S100PBP: variants seen among roughly 807,000 people sequenced by gnomAD.
The protein encoded by S100PBP is S100P binding protein.
A neutral mutation model predicts 39.9 loss-of-function variants in S100PBP; 15 were observed. That is an observed-to-expected ratio of 0.38 (90% CI 0.25 to 0.58). The LOEUF is 0.58. S100PBP is among the 20% of genes least tolerant of loss of function. The pLI, the probability that S100PBP is intolerant of heterozygous loss-of-function variation, is 0.70. For synonymous variants in S100PBP, 178 were observed against 180.3 expected, an observed-to-expected ratio of 0.99 and a Z score of 0.10; for missense variants, 504 against 487.3, an observed-to-expected ratio of 1.03 and a Z score of -0.32.
At chr1:32,836,702 C>A in intron 5 of S100PBP, 1 of 456,980 alleles carries the variant, frequency 2.2e-6, no homozygotes, top group Non-Finnish European at 2.9e-6. Flanking sequence ...AGCCCTGCAA[C>A]AGAGCTGTCA....
At chr1:32,837,702 C>G (rs1208115692) in intron 5 of S100PBP, among the ~76,000 whole-genome samples, 1 of 151,766 alleles carries the variant, frequency 6.6e-6, no homozygotes, top group African/African-American at 2.4e-5. Flanking sequence ...GTGTCTACTG[C>G]AGTTAGTTTG....
At chr1:32,840,897 A>G (rs1457406245) in intron 5 of S100PBP, among the ~76,000 whole-genome samples, 1 of 151,888 alleles carries the variant, frequency 6.6e-6, no homozygotes, top group Non-Finnish European at 1.5e-5. Flanking sequence ...GCGGTGGCTC[A>G]AGCCTGTAAT....
chr1:32,853,289 C>T, intron 6 of S100PBP, 123 bp downstream of exon 6: 1 of 217,646 alleles, frequency 4.6e-6, no homozygotes, highest in Non-Finnish European at 8.5e-6. Context: ...TCCTGGCTAA[C>T]ATGGTGAAAC....
At position 32,826,898 on chromosome 1, in the gene S100PBP, A is replaced by C. The variant is rs1399338805; in HGVS notation, c.799A>C (p.Arg267=). ...TTCACACAAGTCAAGTTGTGAAATG[A>C]GATCTCTGGTTGTTTCCACCTCATC... ...GGSHKSSCEM[R]SLVVSTSSNK... The change falls in exon 3 of 7, where the codon AGA becomes CGA. Residue 267 remains arginine, a synonymous_variant. Coordinates refer to ENST00000373475, the MANE Select transcript of S100PBP (RefSeq NM_022753.4). 1 of 1,600,818 alleles carries C rather than the reference A, an allele frequency of 6.2e-7. No homozygotes were observed. The highest frequency in any genetic ancestry group is 8.5e-7 in the Non-Finnish European group (1 of 1,175,160).
intron 4 of S100PBP, 29 bp downstream of exon 4, chr1:32,828,110 A>T (rs1013988174): frequency 4.1e-6 from 6 of 1,462,750 alleles, no homozygotes; most frequent in Non-Finnish European, 3.8e-6. Flanking sequence ...AAATATTCTG[A>T]TTTATTTTGG....
intron 1 of S100PBP, among the ~76,000 whole-genome samples, chr1:32,823,829 T>G (rs1202446160): frequency 1.3e-5 from 2 of 152,216 alleles, no homozygotes; most frequent in African/African-American, 4.8e-5. Context: ...ATACCTTGAT[T>G]TGTTGGAAAT....
intron 1 of S100PBP, among the ~76,000 whole-genome samples, chr1:32,823,748 GTGT>G (rs1639188807): frequency 6.6e-6 from 1 of 152,072 alleles, no homozygotes; most frequent in Non-Finnish European, 1.5e-5. Context: ...TTAATTTTCA[GTGT>G]TGTTTCTCTA....
chr1:32,817,505 G>A (rs1638787864), upstream of S100PBP: 1 of 599,044 alleles, frequency 1.7e-6, no homozygotes, highest in Non-Finnish European at 3.0e-6. Context: ...GGGCTGAGGC[G>A]CCTGAGCGGG....
chr1:32,818,458 C>T (rs1638869007), intron 1 of S100PBP: 1 of 152,338 alleles, frequency 6.6e-6, no homozygotes, highest in South Asian at 2.1e-4. Context: ...CTGGAAAGGT[C>T]CTAGAAGTGG....
chr1:32,841,160 C>CAA (rs377024249), intron 5 of S100PBP, among the ~76,000 whole-genome samples: 18 of 101,888 alleles, frequency 1.8e-4, no homozygotes, highest in Non-Finnish European at 2.8e-4. Flanking sequence ...GATTCCATCT[C>CAA]AAAAAAAAAA....
intron 1 of S100PBP, among the ~76,000 whole-genome samples, chr1:32,819,563 CAAAAAT>C (rs1034865197): frequency 7.2e-5 from 11 of 151,920 alleles, no homozygotes; most frequent in East Asian, 3.9e-4. Context: ...GACCCTGTCT[CAAAAAT>C]AAAAATAAAA....
chr1:32,817,191 C>T (rs768856707), upstream of S100PBP: 1 of 1,614,202 alleles, frequency 6.2e-7, no homozygotes, highest in Non-Finnish European at 8.5e-7. Context: ...GCCTGACCTG[C>T]AGGTTCCGGG....
chr1:32,828,130 ATTTC>A (rs748116160), intron 4 of S100PBP, 49 bp downstream of exon 4: 13 of 1,333,950 alleles, frequency 9.7e-6, no homozygotes, highest in Admixed American at 7.4e-5. Flanking sequence ...GTTCTCTTCA[ATTTC>A]TTTCTTCCCC....
chr1:32,844,745 A>G (rs1358812693), intron 5 of S100PBP, among the ~76,000 whole-genome samples: 1 of 151,874 alleles, frequency 6.6e-6, no homozygotes, highest in Non-Finnish European at 1.5e-5. Flanking sequence ...CTATTCCGAG[A>G]TAGAGATATA....
intron 5 of S100PBP, among the ~76,000 whole-genome samples, chr1:32,839,384 A>G (rs917241116): frequency 1.3e-5 from 2 of 152,238 alleles, no homozygotes; most frequent in African/African-American, 4.8e-5. Flanking sequence ...TTATATATCA[A>G]TGGACACTTG....
At chr1:32,840,042 C>T (rs11804625) in intron 5 of S100PBP, among the ~76,000 whole-genome samples, 1,558 of 151,810 alleles carry the variant, frequency 0.01, 25 homozygotes, top group African/African-American at 0.035. Flanking sequence ...TGGAGTGCAG[C>T]GGTGCAATCT....
At chr1:32,853,501 G>A (rs1263575697) in intron 6 of S100PBP, among the ~76,000 whole-genome samples, 1 of 151,210 alleles carries the variant, frequency 6.6e-6, no homozygotes, top group East Asian at 1.9e-4. Context: ...GGTGGGGGGG[G>A]GGCGCGTGAA....
At position 32,826,819 on chromosome 1, in the gene S100PBP, G is replaced by A. The variant is rs1217543139; in HGVS notation, c.720G>A (p.Arg240=). 6.2e-7 allele frequency: 1 copy of A among 1,613,904 alleles called. No homozygotes were observed. Among genetic ancestry groups the A allele is most frequent in the Non-Finnish European group, 8.5e-7 (1 of 1,179,944 alleles). The part of the protein sequence containing the change: ...DSENPTSVFS[R]ISDHSETPNM... ...AGAACCCTACGTCTGTATTCTCTCGGATCTCAGACCATTCAGAGACTCCTA... is the reference window on the plus strand; with the variant it reads ...AGAACCCTACGTCTGTATTCTCTCGAATCTCAGACCATTCAGAGACTCCTA... Residue 240 remains arginine, a synonymous_variant, in exon 3 of 7, where the codon CGG becomes CGA. Transcript: ENST00000373475.
chr1:32,821,133 T>C (rs377328369), intron 1 of S100PBP, among the ~76,000 whole-genome samples: 11 of 152,134 alleles, frequency 7.2e-5, no homozygotes, highest in Non-Finnish European at 1.6e-4. Flanking sequence ...AGATGAGATA[T>C]TGTTTTCTTA....
Sources: gnomAD v4.1 joint callset for allele counts (sites outside exome capture counted in the v4.1 genomes callset) on GRCh38, gnomAD v4.1.1 for gene constraint, MANE v1.5 for transcripts, NCBI Gene and HGNC (gene_info 2026-07-23, HGNC 2026-07-21) for gene names.